NCALD: variants seen among roughly 807,000 people sequenced by gnomAD.
NCALD encodes neurocalcin delta.
In NCALD, 10 loss-of-function variants were observed where a neutral mutation model predicts 18.6. That is an observed-to-expected ratio of 0.54 (90% CI 0.33 to 0.91). NCALD has a LOEUF of 0.91. Ranked by LOEUF, NCALD falls within the 40% of genes least tolerant of loss-of-function variation. NCALD has a pLI of 0.03. For missense variants in NCALD, 184 were observed against 247.6 expected, an observed-to-expected ratio of 0.74 and a Z score of 1.72; for synonymous variants, 88 against 87.4, an observed-to-expected ratio of 1.01 and a Z score of -0.04.
At chr8:102,119,010 T>G (rs537896834) in intron 1 of NCALD, among the ~76,000 whole-genome samples, 2 of 152,338 alleles carry the variant, frequency 1.3e-5, no homozygotes, top group African/African-American at 4.8e-5. Context: ...TGGAAAACAG[T>G]GGATGTTCCT....
intron 2 of NCALD, among the ~76,000 whole-genome samples, chr8:101,990,038 T>C (rs1385062270): frequency 3.9e-5 from 6 of 152,202 alleles, no homozygotes; most frequent in African/African-American, 1.4e-4. Context: ...CTGCATGATC[T>C]TGCCACATCC....
intron 2 of NCALD, among the ~76,000 whole-genome samples, chr8:102,019,024 A>G (rs1364362941): frequency 6.6e-6 from 1 of 152,168 alleles, no homozygotes; most frequent in African/African-American, 2.4e-5. Context: ...TATCTAAAAT[A>G]TATATTATTA....
chr8:101,844,661 C>T (rs889105771), intron 4 of NCALD, among the ~76,000 whole-genome samples: 2 of 152,074 alleles, frequency 1.3e-5, no homozygotes, highest in African/African-American at 2.4e-5. Context: ...GCACCTGACC[C>T]TCTAAATTCT....
intron 4 of NCALD, among the ~76,000 whole-genome samples, chr8:101,866,507 G>A (rs889663467): frequency 7.2e-5 from 11 of 152,186 alleles, no homozygotes; most frequent in African/African-American, 2.7e-4. Flanking sequence ...TCTAATAGAT[G>A]TTTAGGACTT....
At chr8:101,852,224 T>G (rs1455904130) in intron 4 of NCALD, among the ~76,000 whole-genome samples, 3 of 152,156 alleles carry the variant, frequency 2.0e-5, no homozygotes, top group African/African-American at 7.2e-5. Flanking sequence ...GGCAGTAACT[T>G]TTCTCGAGGG....
At chr8:101,974,948 A>G (rs748731054) in intron 2 of NCALD, among the ~76,000 whole-genome samples, 1 of 152,232 alleles carries the variant, frequency 6.6e-6, no homozygotes, top group Non-Finnish European at 1.5e-5. Context: ...TACTGAATCA[A>G]CGCAATTGAC....
intron 2 of NCALD, among the ~76,000 whole-genome samples, chr8:101,951,454 T>C (rs753639006): frequency 2.0e-5 from 3 of 152,028 alleles, no homozygotes; most frequent in Non-Finnish European, 4.4e-5. Context: ...GCTCCACAAA[T>C]GTCAGGGAGG....
intron 1 of NCALD, among the ~76,000 whole-genome samples, chr8:102,081,568 AAAAAAAAAC>A (rs1448052450): frequency 1.5e-3 from 124 of 81,412 alleles, no homozygotes; most frequent in Admixed American, 3.8e-3. Flanking sequence ...AAAAAAAAAA[AAAAAAAAAC>A]CCCAAAAAAA....
upstream of NCALD, among the ~76,000 whole-genome samples, chr8:101,793,502 G>A (rs1812526115): frequency 1.3e-5 from 2 of 152,080 alleles, no homozygotes; most frequent in South Asian, 2.1e-4. Context: ...AACTACCTAG[G>A]TTTAGAATTT....
chr8:101,780,042 C>T (rs1308698016), intron 1 of NCALD: 1 of 152,088 alleles, frequency 6.6e-6, no homozygotes, highest in Non-Finnish European at 1.5e-5. Context: ...GTAGTTGTTA[C>T]TTTGGACAGT....
At chr8:101,885,327 C>A (rs1356365951) in intron 4 of NCALD, among the ~76,000 whole-genome samples, 1 of 152,176 alleles carries the variant, frequency 6.6e-6, no homozygotes, top group Non-Finnish European at 1.5e-5. Context: ...TGCCACTAGG[C>A]AATTTTTACT....
chr8:101,760,067 G>A (rs917055018), intron 1 of NCALD, among the ~76,000 whole-genome samples: 8 of 152,170 alleles, frequency 5.3e-5, no homozygotes, highest in African/African-American at 1.9e-4. Flanking sequence ...CCAGTCCCAT[G>A]AGCCTGGTTT....
At chr8:102,009,631 A>G (rs1241419816) in intron 2 of NCALD, among the ~76,000 whole-genome samples, 1 of 152,246 alleles carries the variant, frequency 6.6e-6, no homozygotes, top group Non-Finnish European at 1.5e-5. Flanking sequence ...CTCATAAAAG[A>G]TTATGCTTAA....
At chr8:102,044,289 G>T (rs11776754) in intron 1 of NCALD, among the ~76,000 whole-genome samples, 9,054 of 152,042 alleles carry the variant, frequency 0.06, 359 homozygotes, top group Non-Finnish European at 0.077. Flanking sequence ...AATAAAAATA[G>T]TTAATCCTTG....
intron 4 of NCALD, among the ~76,000 whole-genome samples, chr8:101,876,057 C>T (rs931948037): frequency 6.6e-5 from 10 of 152,154 alleles, no homozygotes; most frequent in African/African-American, 2.4e-4. Context: ...TTGCTCTTCC[C>T]CAGGCAGAAG....
At chr8:101,954,039 C>T (rs1819531290) in intron 2 of NCALD, among the ~76,000 whole-genome samples, 1 of 152,220 alleles carries the variant, frequency 6.6e-6, no homozygotes. Context: ...AAGAGAGACA[C>T]AGTCCTGGCC....
intron 4 of NCALD, among the ~76,000 whole-genome samples, chr8:101,846,888 T>C (rs924952432): frequency 1.3e-5 from 2 of 152,202 alleles, no homozygotes; most frequent in Non-Finnish European, 1.5e-5. Flanking sequence ...CAGGCGATCA[T>C]GGTGGGAGTG....
intron 1 of NCALD, among the ~76,000 whole-genome samples, chr8:102,103,472 AG>A (rs1392894956): frequency 6.6e-6 from 1 of 152,202 alleles, no homozygotes; most frequent in Non-Finnish European, 1.5e-5. Flanking sequence ...ATAGTGACGC[AG>A]CTAGCAAGAC....
intron 1 of NCALD, among the ~76,000 whole-genome samples, chr8:102,086,185 AT>A (rs1442383555): frequency 6.6e-6 from 1 of 152,250 alleles, no homozygotes; most frequent in African/African-American, 2.4e-5. Flanking sequence ...AGCATTGCTC[AT>A]CTGAGTGCAC....
Sources: gnomAD v4.1 joint callset for allele counts (sites outside exome capture counted in the v4.1 genomes callset) on GRCh38, gnomAD v4.1.1 for gene constraint, MANE v1.5 for transcripts, NCBI Gene and HGNC (gene_info 2026-07-23, HGNC 2026-07-21) for gene names.